The following PPP2R2C variants were observed in gnomAD, a reference collection of about 807,000 sequenced individuals.
The protein encoded by PPP2R2C is protein phosphatase 2, regulatory subunit B, gamma.
PPP2R2C carries 10 observed loss-of-function variants against 45.3 expected under a neutral mutation model. That is an observed-to-expected ratio of 0.22 (90% CI 0.14 to 0.37). PPP2R2C has a LOEUF of 0.37. PPP2R2C is among the 10% of genes least tolerant of loss of function. The pLI is 1.00. For synonymous variants in PPP2R2C, 257 were observed against 245.4 expected (o/e 1.05, Z -0.44); for missense variants, 308 against 619.7 (o/e 0.50, Z 5.34).
chr4:6,347,448 G>A (rs1712085084), intron 6 of PPP2R2C, among the ~76,000 whole-genome samples: 1 of 152,164 alleles, frequency 6.6e-6, no homozygotes, highest in African/African-American at 2.4e-5. Context: ...CAAGTTTGCT[G>A]GGTGTGGCTA....
At position 6,563,277 on chromosome 4, in the gene PPP2R2C, G is replaced by T. The variant is rs1460560870; in HGVS notation, c.-59+283C>A. ...GCAGGGTTCCAAGCCGGTTCTGTCG[G>T]GTTCCCTCAAGACCCCGAGAGCACG... On this transcript the variant is annotated intron_variant, in intron 1 of 9. Coordinates refer to the PPP2R2C transcript ENST00000506140. The surrounding 1 kb of genome is among the most constrained non-coding windows in gnomAD (Gnocchi z 5.8). Among the ~76,000 whole-genome samples the T allele has an allele frequency of 6.6e-6, 1 of 152,104 alleles. No individual in the cohort carries two copies. Among genetic ancestry groups the T allele is most frequent in the African/African-American group, 2.4e-5 (1 of 41,426 alleles).
At chr4:6,514,665 A>T (rs1321827601) in intron 2 of PPP2R2C, among the ~76,000 whole-genome samples, 2 of 152,236 alleles carry the variant, frequency 1.3e-5, no homozygotes, top group African/African-American at 4.8e-5. Flanking sequence ...GTGCAGGACA[A>T]GCACAGGTCA....
At chr4:6,337,594 C>T (rs1465329379) in intron 6 of PPP2R2C, among the ~76,000 whole-genome samples, 1 of 152,130 alleles carries the variant, frequency 6.6e-6, no homozygotes, top group Non-Finnish European at 1.5e-5. Context: ...TCCCCCAGAC[C>T]TTGAGGGCTG....
chr4:6,398,564 C>G (rs1263404728), intron 1 of PPP2R2C, among the ~76,000 whole-genome samples: 4 of 152,050 alleles, frequency 2.6e-5, no homozygotes, highest in Admixed American at 2.6e-4. Context: ...CCAGTGTACA[C>G]CCATCAGAGT....
intron 1 of PPP2R2C, among the ~76,000 whole-genome samples, chr4:6,418,969 G>C (rs1718786279): frequency 6.6e-6 from 1 of 152,216 alleles, no homozygotes; most frequent in African/African-American, 2.4e-5. Context: ...TCCTCACTCA[G>C]GGAAACCATC....
intron 2 of PPP2R2C, among the ~76,000 whole-genome samples, chr4:6,510,994 C>CAA (rs200316130): frequency 3.0e-5 from 1 of 33,226 alleles, no homozygotes; most frequent in African/African-American, 5.3e-5. Context: ...AAAAAACAAA[C>CAA]AAACAAAAAA....
chr4:6,333,015 T>C (rs1732537234), intron 7 of PPP2R2C, among the ~76,000 whole-genome samples: 1 of 152,152 alleles, frequency 6.6e-6, no homozygotes, highest in Non-Finnish European at 1.5e-5. Context: ...CTAACATATC[T>C]GAATGGATGA....
intron 2 of PPP2R2C, among the ~76,000 whole-genome samples, chr4:6,484,526 C>A (rs1028887940): frequency 1.3e-5 from 2 of 148,986 alleles, no homozygotes; most frequent in Non-Finnish European, 3.0e-5. Flanking sequence ...AAAAAAAAAA[C>A]CTGTTCAGAT....
chr4:6,486,988 T>C (rs1444527020), intron 2 of PPP2R2C, among the ~76,000 whole-genome samples: 1 of 152,120 alleles, frequency 6.6e-6, no homozygotes, highest in East Asian at 1.9e-4. Context: ...ATCTACTTTC[T>C]GGCTTCTTAG....
At chr4:6,534,670 C>A (rs1724538446) in intron 2 of PPP2R2C, among the ~76,000 whole-genome samples, 1 of 152,120 alleles carries the variant, frequency 6.6e-6, no homozygotes, top group Non-Finnish European at 1.5e-5. Context: ...TACACACCAA[C>A]ACACACCCCC....
At chr4:6,504,693 G>A (rs1250739376) in intron 2 of PPP2R2C, among the ~76,000 whole-genome samples, 1 of 152,142 alleles carries the variant, frequency 6.6e-6, no homozygotes, top group Non-Finnish European at 1.5e-5. Flanking sequence ...CTAAAAAGCA[G>A]ATAACAAATT....
chr4:6,540,409 T>A (rs1321171101), intron 1 of PPP2R2C, among the ~76,000 whole-genome samples: 1 of 151,952 alleles, frequency 6.6e-6, no homozygotes, highest in East Asian at 1.9e-4. Flanking sequence ...CAGGGCTTCC[T>A]TCCTTTTTAG....
chr4:6,329,272 C>T lies in PPP2R2C; in HGVS notation c.1042G>A (p.Gly348Arg), dbSNP rs267600204. The T allele has an allele frequency of 5.6e-6, 9 of 1,614,048 alleles. No individual in the cohort carries two copies. Among genetic ancestry groups the T allele is most frequent in the Admixed American group, 5.0e-5 (3 of 60,022 alleles). ...GAGGTCAGGGCTTACCTGTCGCTCC[C>T]GTTCCAGGCACATTCAAACTTGTCG... ...IFDKFECAWN[G>R]SDSVIMTGAY... is the part of the protein sequence containing the mutation. Residue 348 changes from glycine (G) to arginine (R), a missense_variant, in exon 8 of 9, where the codon GGG (glycine) becomes AGG (arginine). Coordinates refer to ENST00000382599, the MANE Select transcript of PPP2R2C (RefSeq NM_020416.4). This position sits in a 1 kb window ranked among gnomAD's most constrained non-coding sequence, Gnocchi z 5.8.
At chr4:6,494,133 G>A (rs1437408054) in intron 2 of PPP2R2C, among the ~76,000 whole-genome samples, 4 of 152,210 alleles carry the variant, frequency 2.6e-5, no homozygotes, top group Non-Finnish European at 5.9e-5. Context: ...GATCAGGCAG[G>A]CTCTGCTGAC....
intron 1 of PPP2R2C, among the ~76,000 whole-genome samples, chr4:6,410,157 C>T (rs1313469834): frequency 6.6e-6 from 1 of 152,194 alleles, no homozygotes; most frequent in Non-Finnish European, 1.5e-5. Context: ...AAGGTGTGAG[C>T]CCTCCCCACA....
chr4:6,545,416 T>C (rs28427021), intron 1 of PPP2R2C, among the ~76,000 whole-genome samples: 17,898 of 152,200 alleles, frequency 0.12, 1,203 homozygotes, highest in South Asian at 0.21. Flanking sequence ...AGGGACCAGG[T>C]ATGCCAGAAG....
At chr4:6,419,499 G>T (rs1255066792) in intron 1 of PPP2R2C, among the ~76,000 whole-genome samples, 1 of 152,116 alleles carries the variant, frequency 6.6e-6, no homozygotes, top group East Asian at 1.9e-4. Context: ...TACACAGCCT[G>T]CAAAGTCTAA....
chr4:6,338,460 C>T (rs1010106408), intron 6 of PPP2R2C, among the ~76,000 whole-genome samples: 7 of 152,200 alleles, frequency 4.6e-5, no homozygotes, highest in African/African-American at 1.4e-4. Flanking sequence ...AGGTGTGGGG[C>T]GGCTCTGACG....
chr4:6,333,452 T>C lies in PPP2R2C; in HGVS notation c.960+110A>G, dbSNP rs1478847737. The C allele has an allele frequency of 1.5e-5, 19 of 1,277,372 alleles. No individual in the cohort carries two copies. The East Asian group carries it at 3.5e-4, about 24-fold the overall frequency. 79.1% of individuals were successfully genotyped at this position (1,277,372 alleles called of 1,614,324 possible). ...TTTCTTCAGCCTCCGTGTCTTCACC[T>C]ACATACCGGGCATATGAAAGCCACG... On this transcript the variant is annotated intron_variant, in intron 7 of 8. Transcript: ENST00000382599.
Sources: allele counts gnomAD v4.1 joint callset (sites outside exome capture counted in the v4.1 genomes callset), GRCh38; gene constraint gnomAD v4.1.1; non-coding constraint Gnocchi (gnomAD v3.1); transcripts MANE v1.5; gene names NCBI Gene and HGNC (gene_info 2026-07-23, HGNC 2026-07-21).